The following GRM4 variants were observed in gnomAD, a reference collection of about 807,000 sequenced individuals.
GRM4 encodes glutamate metabotropic receptor 4.
GRM4 carries 28 observed loss-of-function variants against 81.7 expected under a neutral mutation model. The observed-to-expected ratio is 0.34, with a 90% CI of 0.25 to 0.47. The LOEUF is 0.47. GRM4 is among the 20% of genes least tolerant of loss of function. The pLI is 1.00. For synonymous variants in GRM4, 488 were observed against 528.8 expected, an observed-to-expected ratio of 0.92 and a Z score of 1.06; for missense variants, 948 against 1,290.0, an observed-to-expected ratio of 0.73 and a Z score of 4.06.
chr6:34,105,239 A>C lies in GRM4; in HGVS notation c.520-13140T>G, dbSNP rs185810662. Among the ~76,000 whole-genome samples the C allele has an allele frequency of 2.7e-3, 405 of 152,322 alleles. 2 individuals carry two copies. The highest frequency in any genetic ancestry group is 9.0e-3 in the African/African-American group (375 of 41,574). ...GGCCAGGGCCAGGCTGGCAGCCCCA[A>C]GCTGGCAGAGAGGAGGCCCCCCTGG... On this transcript the variant is annotated intron_variant, in intron 2 of 10. Transcript: ENST00000538487.
At position 34,143,664 on chromosome 6, in the gene GRM4, C is replaced by T. The variant is rs192127484; in HGVS notation, c.-364+2336G>A. 1.8e-3 allele frequency among the ~76,000 whole-genome samples: 279 copies of T among 152,332 alleles called. 1 individual carries two copies. The highest frequency in any genetic ancestry group is 6.3e-3 in the African/African-American group (260 of 41,564). ...TGAGGTTCAGCATCCCATTGGGATCCGGGGGAAAGTGGGGCTAGCCCAGGA... is the reference window on the plus strand; with the variant it reads ...TGAGGTTCAGCATCCCATTGGGATCTGGGGGAAAGTGGGGCTAGCCCAGGA... On this transcript the variant is annotated intron_variant, in intron 1 of 10. Transcript: ENST00000538487.
In GRM4 at chr6:34,040,780, G is replaced by A. The variant is rs557314785; in HGVS notation, c.1169-32C>T. 404 of 1,569,466 alleles carry A rather than the reference G, an allele frequency of 2.6e-4. 8 individuals are homozygous for A. In the South Asian group the frequency reaches 4.1e-3, roughly 16 times the overall value. On this transcript the variant is annotated intron_variant, in intron 6 of 10. Transcript: ENST00000538487. The stretch of plus-strand genomic sequence containing the variant: ...TGAAACACCAGGAACAGGGACACTC[G>A]TGAGGCCCACTGTCCTCACAGTGGT...
chr6:34,044,047 T>C (rs1006170840), intron 6 of GRM4, among the ~76,000 whole-genome samples: 6 of 150,098 alleles, frequency 4.0e-5, no homozygotes, highest in Non-Finnish European at 7.4e-5. Context: ...CACACACACA[T>C]AGACATACAT....
At chr6:34,099,736 C>T (rs935541015) in intron 2 of GRM4, among the ~76,000 whole-genome samples, 9 of 152,162 alleles carry the variant, frequency 5.9e-5, no homozygotes, top group Non-Finnish European at 1.2e-4. Context: ...GATCAAAGAA[C>T]AAGGCCTAGG....
At position 34,056,572 on chromosome 6, in the gene GRM4, C is replaced by T. The variant is rs758904130; in HGVS notation, c.1140G>A (p.Lys380=). 3.7e-6 allele frequency: 6 copies of T among 1,613,352 alleles called. No homozygotes were observed. The South Asian group carries it at 5.5e-5, about 15-fold the overall frequency. ...FHCKLSRHAL[K]KGSHVKKCTN... ...TGCACTTCTTGACGTGGCTGCCCTT[C>T]TTGAGGGCGTGGCGGCTCAGCTTGC... Residue 380 remains lysine, a synonymous_variant, in exon 6 of 11, where the codon AAG becomes AAA. Transcript: ENST00000538487.
At chr6:34,043,554 C>T (rs980204708) in intron 6 of GRM4, among the ~76,000 whole-genome samples, 43 of 152,160 alleles carry the variant, frequency 2.8e-4, no homozygotes, top group African/African-American at 9.7e-4. Context: ...TGGGAGGCTA[C>T]GGCCGCTGCA....
rs1765077527 is a variant in GRM4, at chr6:34,042,761, CT to C, written c.1169-2014del. 6.6e-6 allele frequency among the ~76,000 whole-genome samples: 1 copy of C among 152,182 alleles called. No homozygotes were observed. The highest frequency in any genetic ancestry group is 1.5e-5 in the Non-Finnish European group (1 of 68,020). ...TCCAGAGGTCACTGTGTCCAGCCCC[CT>C]GCCTTGGACACCCTGAAGGCAGACC... On this transcript the variant is annotated intron_variant, in intron 6 of 10. Transcript: ENST00000538487. This position sits in a 1 kb window ranked among gnomAD's most constrained non-coding sequence, Gnocchi z 4.2.
chr6:34,116,868 A>C (rs1769620807), intron 2 of GRM4, among the ~76,000 whole-genome samples: 1 of 152,108 alleles, frequency 6.6e-6, no homozygotes, highest in Admixed American at 6.6e-5. Flanking sequence ...AACAGACCCA[A>C]CCCCAGGGGG....
At chr6:34,026,776 C>T (rs1267559277) in intron 10 of GRM4, among the ~76,000 whole-genome samples, 1 of 152,140 alleles carries the variant, frequency 6.6e-6, no homozygotes, top group Non-Finnish European at 1.5e-5. Context: ...GCGGTGTCAC[C>T]CTTTGGGGCC....
At chr6:34,123,180 C>A (rs1769884515) in intron 2 of GRM4, among the ~76,000 whole-genome samples, 1 of 152,148 alleles carries the variant, frequency 6.6e-6, no homozygotes, top group Non-Finnish European at 1.5e-5. Flanking sequence ...AAGGGGAGAC[C>A]CTCAGCCCTG....
At position 34,058,980 on chromosome 6, in the gene GRM4, C is replaced by T. The variant is rs149329300; in HGVS notation, c.1021G>A (p.Val341Ile). Residue 341 changes from valine (V) to isoleucine (I), a missense_variant, in exon 5 of 11, where the codon GTA (valine) becomes ATA (isoleucine). Val to Ile is a conservative substitution (Grantham distance 29). Coordinates refer to ENST00000538487, the MANE Select transcript of GRM4 (RefSeq NM_000841.4). ...AVTILPKRMS[V>I]RGFDRYFSSR... ...TGCACCCGCCCAGCCTTACCTCGTA[C>T]GGACATCCTCTTGGGGAGGATCGTG... The T allele has an allele frequency of 1.8e-4, 296 of 1,612,222 alleles. 4 individuals carry two copies. In the South Asian group the frequency reaches 2.8e-3, roughly 15 times the overall value.
chr6:34,068,544 CA>C lies in GRM4; in HGVS notation c.737-6517del, dbSNP rs1439373173. 6.6e-6 allele frequency among the ~76,000 whole-genome samples: 1 copy of C among 152,044 alleles called. No homozygotes were observed. The highest frequency in any genetic ancestry group is 1.5e-5 in the Non-Finnish European group (1 of 67,990). On this transcript the variant is annotated intron_variant, in intron 3 of 10. Transcript: ENST00000538487. The surrounding 1 kb of genome is among the most constrained non-coding windows in gnomAD (Gnocchi z 4.2). Reference sequence around the variant, plus strand: ...ATGGCTCTCCCCACCCCACCTGTCTCAAAAAGTCCCCCCTCCATCCTGCAAG... The same window carrying C: ...ATGGCTCTCCCCACCCCACCTGTCTCAAAAGTCCCCCCTCCATCCTGCAAG...
rs1763816793 is a variant in GRM4 at position 34,020,080 on chromosome 6, T to C, written c.*2741A>G. On this transcript the variant is annotated 3_prime_UTR_variant, in exon 11 of 11. Transcript: ENST00000538487. ...GCACCCCAGGCTCAGATGCCCAAAG[T>C]CACACCCACCCAAGGCTTCCCTCCT... 1 of 152,526 alleles carries C rather than the reference T, an allele frequency of 6.6e-6. No homozygotes were observed. The highest frequency in any genetic ancestry group is 2.4e-5 in the African/African-American group (1 of 41,414). The allele number at this position is 152,526 out of a possible 1,614,324, so 9.4% of individuals were successfully genotyped here. A position where few individuals can be genotyped will look rare whatever the true frequency, so the allele number is the denominator to read the frequency against.
At chr6:34,127,976 G>A (rs907866451) in intron 2 of GRM4, among the ~76,000 whole-genome samples, 3 of 152,158 alleles carry the variant, frequency 2.0e-5, no homozygotes, top group African/African-American at 7.2e-5. Flanking sequence ...AGCCCAGGGG[G>A]CACATGCAGC....
At chr6:34,103,245 C>T (rs1352943526) in intron 2 of GRM4, among the ~76,000 whole-genome samples, 3 of 152,240 alleles carry the variant, frequency 2.0e-5, no homozygotes, top group Admixed American at 6.5e-5. Flanking sequence ...ACCAGACAGA[C>T]GCAGGCAACA....
intron 2 of GRM4, among the ~76,000 whole-genome samples, chr6:34,118,237 G>A (rs921389527): frequency 6.6e-6 from 1 of 152,204 alleles, no homozygotes; most frequent in Admixed American, 6.5e-5. Context: ...ATAACAGGAA[G>A]GGGCTAAGGG....
chr6:34,077,954 C>T (rs1767402546), intron 3 of GRM4, among the ~76,000 whole-genome samples: 1 of 151,844 alleles, frequency 6.6e-6, no homozygotes, highest in Non-Finnish European at 1.5e-5. Flanking sequence ...CAGCAGTGGC[C>T]ACTGCTGGGC....
intron 2 of GRM4, among the ~76,000 whole-genome samples, chr6:34,131,728 A>G (rs569778299): frequency 3.4e-4 from 52 of 152,272 alleles, no homozygotes; most frequent in Non-Finnish European, 6.6e-4. Context: ...AATGGCTTCC[A>G]GAAAGAGTCC....
At chr6:34,099,815 G>A (rs946758795) in intron 2 of GRM4, among the ~76,000 whole-genome samples, 8 of 152,156 alleles carry the variant, frequency 5.3e-5, no homozygotes, top group South Asian at 4.1e-4. Flanking sequence ...GGAGGAGCAG[G>A]ATAGGCCCCA....
Sources: allele counts gnomAD v4.1 joint callset (sites outside exome capture counted in the v4.1 genomes callset), GRCh38; gene constraint gnomAD v4.1.1; non-coding constraint Gnocchi (gnomAD v3.1); transcripts MANE v1.5; gene names NCBI Gene and HGNC (gene_info 2026-07-23, HGNC 2026-07-21).